KAT6B: variants seen among roughly 807,000 people sequenced by gnomAD.
The protein encoded by KAT6B is histone acetyltransferase KAT6B.
In KAT6B, 10 loss-of-function variants were observed where a neutral mutation model predicts 187.5. That is an observed-to-expected ratio of 0.05 (90% CI 0.03 to 0.09). The LOEUF (loss-of-function observed/expected upper bound fraction) is 0.09, where lower values mean the gene tolerates loss of function less well. Ranked by LOEUF, KAT6B falls within the 10% of genes least tolerant of loss-of-function variation. The pLI, the probability that KAT6B is intolerant of heterozygous loss-of-function variation, is 1.00. For synonymous variants in KAT6B, 861 were observed against 926.8 expected (o/e 0.93, Z 1.29); for missense variants, 1,952 against 2,558.9 (o/e 0.76, Z 5.12).
chr10:74,840,068 A>G (rs955779899), intron 2 of KAT6B, among the ~76,000 whole-genome samples: 9 of 152,238 alleles, frequency 5.9e-5, no homozygotes, highest in Non-Finnish European at 1.0e-4. Context: ...GCAGAAGGAA[A>G]GGGGTGGAAA....
At chr10:74,980,923 AC>A in intron 10 of KAT6B, among the ~76,000 whole-genome samples, 1 of 152,224 alleles carries the variant, frequency 6.6e-6, no homozygotes, top group East Asian at 1.9e-4. Flanking sequence ...CTTTAAAGTT[AC>A]CTCTTCCAGA....
intron 3 of KAT6B, among the ~76,000 whole-genome samples, chr10:74,938,197 A>G (rs186683812): frequency 5.3e-5 from 8 of 152,298 alleles, no homozygotes; most frequent in East Asian, 3.9e-4. Context: ...AGCAACATCA[A>G]TCTAACCTGG....
At chr10:74,912,414 A>AGATAGAT (rs1564559276) in intron 3 of KAT6B, among the ~76,000 whole-genome samples, 685 of 57,648 alleles carry the variant, frequency 0.012, 10 homozygotes, top group African/African-American at 0.034. Flanking sequence ...GATAGATAGA[A>AGATAGAT]AGATAGATGA....
chr10:74,830,769 T>TATATATATGTATATATATATATATATATA (rs58702000), intron 1 of KAT6B, among the ~76,000 whole-genome samples: 4 of 7,738 alleles, frequency 5.2e-4, no homozygotes, highest in Non-Finnish European at 1.0e-3. Context: ...TATATATATA[T>TATATATATGTATATATATATATATATATA]TTTTTTTTTT....
chr10:74,889,276 A>G lies in KAT6B; in HGVS notation c.621+45798A>G, dbSNP rs973310799. Among the ~76,000 whole-genome samples the G allele has an allele frequency of 3.9e-5, 6 of 152,356 alleles. No homozygotes were observed. The South Asian group carries it at 8.3e-4, about 21-fold the overall frequency. On this transcript the variant is annotated intron_variant, in intron 3 of 17. Coordinates refer to ENST00000287239, the MANE Select transcript of KAT6B (RefSeq NM_012330.4). Reference sequence around the variant, plus strand: ...CATATTTATATTTTTTAGACAAGATATAATTTTAGACAAGATAAGGTTGCC... The same window carrying G: ...CATATTTATATTTTTTAGACAAGATGTAATTTTAGACAAGATAAGGTTGCC...
At chr10:74,853,640 T>TA (rs143091339) in intron 3 of KAT6B, among the ~76,000 whole-genome samples, 33 of 145,070 alleles carry the variant, frequency 2.3e-4, no homozygotes, top group African/African-American at 7.9e-5. Flanking sequence ...TTTTTTTTTT[T>TA]AATTTGAGAT....
chr10:74,840,080 A>G (rs888391737), intron 2 of KAT6B, among the ~76,000 whole-genome samples: 1 of 152,326 alleles, frequency 6.6e-6, no homozygotes, highest in Middle Eastern at 3.4e-3. Context: ...GGGTGGAAAG[A>G]CTCAACTTGA....
At chr10:74,852,655 C>G (rs780235747) in intron 3 of KAT6B, among the ~76,000 whole-genome samples, 5 of 152,154 alleles carry the variant, frequency 3.3e-5, no homozygotes, top group Admixed American at 6.5e-5. Context: ...CACTTTTGAG[C>G]TTTTATCAAG....
chr10:74,960,454 T>C (rs1168826205), intron 4 of KAT6B, among the ~76,000 whole-genome samples: 1 of 152,064 alleles, frequency 6.6e-6, no homozygotes, highest in African/African-American at 2.4e-5. Context: ...AATTAAGCTT[T>C]TTCTGTTAAT....
intron 6 of KAT6B, among the ~76,000 whole-genome samples, chr10:74,971,467 GTAT>G (rs1408835420): frequency 7.2e-5 from 11 of 151,990 alleles, no homozygotes; most frequent in African/African-American, 2.7e-4. Flanking sequence ...TTTGATTAGA[GTAT>G]TATTATTTTT....
intron 13 of KAT6B, among the ~76,000 whole-genome samples, chr10:75,019,684 A>G (rs1845236474): frequency 6.6e-6 from 1 of 151,246 alleles, no homozygotes; most frequent in African/African-American, 2.4e-5. Context: ...TTTCTTTTCT[A>G]CCCCATAAGT....
intron 3 of KAT6B, among the ~76,000 whole-genome samples, chr10:74,945,661 G>T (rs1033801413): frequency 6.6e-6 from 1 of 152,046 alleles, no homozygotes; most frequent in Non-Finnish European, 1.5e-5. Flanking sequence ...TGTTTATCAG[G>T]CTGGTCTCCA....
At chr10:74,928,557 C>G (rs538652388) in intron 3 of KAT6B, among the ~76,000 whole-genome samples, 21 of 152,240 alleles carry the variant, frequency 1.4e-4, no homozygotes, top group Middle Eastern at 6.8e-3. Context: ...TCTATTTCAT[C>G]AGGAAGAACA....
intron 3 of KAT6B, among the ~76,000 whole-genome samples, chr10:74,890,188 G>A (rs1007471471): frequency 5.9e-5 from 9 of 152,178 alleles, no homozygotes; most frequent in African/African-American, 2.2e-4. Flanking sequence ...ACAGGCACAT[G>A]CCAGCTGCCT....
chr10:74,979,192 A>G (rs926322760), intron 9 of KAT6B, 32 bp from the exon 10 acceptor site: 1 of 1,443,970 alleles, frequency 6.9e-7, no homozygotes, highest in Non-Finnish European at 9.7e-7. Context: ...AAGTATATAT[A>G]TTATTATTTT....
intron 13 of KAT6B, among the ~76,000 whole-genome samples, chr10:75,013,913 T>C (rs1013795212): frequency 6.6e-6 from 1 of 152,196 alleles, no homozygotes; most frequent in Non-Finnish European, 1.5e-5. Context: ...ATAGAGCCTC[T>C]CACGATCTGT....
rs886047245 is a variant in KAT6B at position 75,030,045 on chromosome 10, A to T, written c.5221A>T (p.Ser1741Cys). Reference protein sequence around the residue: ...SCSMLQQTSISSPPTCSVKSP... With the variant: ...SCSMLQQTSICSPPTCSVKSP... ...CAGCATGCTGCAGCAAACCAGCATCAGCTCCCCTCCGACCTGCAGCGTCAA... is the reference window on the plus strand; with the variant it reads ...CAGCATGCTGCAGCAAACCAGCATCTGCTCCCCTCCGACCTGCAGCGTCAA... The change falls in exon 18 of 18, where the codon AGC (serine) becomes TGC (cysteine). Residue 1741 changes from serine to cysteine, a missense_variant. Transcript: ENST00000287239. This position sits in a 1 kb window ranked among gnomAD's most constrained non-coding sequence, Gnocchi z 4.8. 2 of 1,614,148 alleles carry T rather than the reference A, an allele frequency of 1.2e-6. No individual in the cohort carries two copies. The highest frequency in any genetic ancestry group is 1.7e-6 in the Non-Finnish European group (2 of 1,180,012).
chr10:74,855,259 T>G (rs1417475572), intron 3 of KAT6B, among the ~76,000 whole-genome samples: 3 of 152,162 alleles, frequency 2.0e-5, no homozygotes, highest in Non-Finnish European at 4.4e-5. Flanking sequence ...CCTAGGGTGT[T>G]CAGAGTGACA....
chr10:74,893,204 C>A (rs1845757721), intron 3 of KAT6B, among the ~76,000 whole-genome samples: 1 of 152,162 alleles, frequency 6.6e-6, no homozygotes, highest in African/African-American at 2.4e-5. Flanking sequence ...TGGACTCCTG[C>A]AAATGGTGGA....
Sources: allele counts gnomAD v4.1 joint callset (sites outside exome capture counted in the v4.1 genomes callset), GRCh38; gene constraint gnomAD v4.1.1; non-coding constraint Gnocchi (gnomAD v3.1); transcripts MANE v1.5; gene names NCBI Gene and HGNC (gene_info 2026-07-23, HGNC 2026-07-21).